The following RGS5 variants were observed in gnomAD, a reference collection of about 807,000 sequenced individuals.
The protein encoded by RGS5 is regulator of G protein signaling 5.
Under a neutral mutation model 18.9 loss-of-function variants are expected in RGS5, and 20 were observed. The observed-to-expected ratio is 1.06, with a 90% CI of 0.74 to 1.54. The LOEUF is 1.54. RGS5 is among the 40% of genes most tolerant of loss of function. RGS5 has a pLI of 0.00. For missense variants in RGS5, 201 were observed against 211.8 expected (o/e 0.95, Z 0.32); for synonymous variants, 57 against 76.2 (o/e 0.75, Z 1.31).
chr1:163,288,136 CT>C (rs750183833), intron 2 of RGS5, among the ~76,000 whole-genome samples: 168 of 147,142 alleles, frequency 1.1e-3, no homozygotes, highest in African/African-American at 3.3e-3. Flanking sequence ...GTACTTTTCA[CT>C]TTTTTTTTTT....
chr1:163,209,610 C>T (rs1358033883), intron 1 of RGS5, among the ~76,000 whole-genome samples: 1 of 152,080 alleles, frequency 6.6e-6, no homozygotes, highest in Non-Finnish European at 1.5e-5. Flanking sequence ...AAGTTTATCC[C>T]TAAGTATTTA....
chr1:163,300,648 T>C (rs531874379), intron 2 of RGS5: 14 of 152,322 alleles, frequency 9.2e-5, no homozygotes, highest in Admixed American at 2.0e-4. Context: ...ATGAGTCTCA[T>C]GGGAGATTCT....
At position 163,149,890 on chromosome 1, in the gene RGS5, C is replaced by A. The variant is rs377096798; in HGVS notation, c.385-2387G>T. Reference sequence around the variant, plus strand: ...ATTTTTTAAGTAATAAAAGCTATGACTTAACATACTTCAGGTGCACATACA... The same window carrying A: ...ATTTTTTAAGTAATAAAAGCTATGAATTAACATACTTCAGGTGCACATACA... On this transcript the variant is annotated intron_variant, in intron 4 of 4. Transcript: ENST00000313961. 2.4e-4 allele frequency among the ~76,000 whole-genome samples: 37 copies of A among 152,208 alleles called. No individual in the cohort carries two copies. The East Asian group carries it at 6.4e-3, about 26-fold the overall frequency.
intron 1 of RGS5, among the ~76,000 whole-genome samples, chr1:163,179,707 A>G (rs10917697): frequency 0.19 from 28,559 of 152,194 alleles, 2,784 homozygotes; most frequent in Middle Eastern, 0.28. Flanking sequence ...AGAAAGGGAG[A>G]AAGGAAATAA....
chr1:163,179,737 A>G (rs1445388729), intron 1 of RGS5, among the ~76,000 whole-genome samples: 3 of 152,202 alleles, frequency 2.0e-5, no homozygotes, highest in African/African-American at 4.8e-5. Context: ...GAAAACCTCT[A>G]ATAGCTCCTC....
chr1:163,301,601 G>A (rs894386055), intron 2 of RGS5, among the ~76,000 whole-genome samples: 53 of 152,038 alleles, frequency 3.5e-4, no homozygotes, highest in African/African-American at 1.3e-3. Flanking sequence ...CAAAAGTGCT[G>A]GTATTAAAGG....
chr1:163,251,427 C>A (rs111997973), intron 2 of RGS5, among the ~76,000 whole-genome samples: 5 of 152,142 alleles, frequency 3.3e-5, no homozygotes, highest in Non-Finnish European at 1.5e-5. Flanking sequence ...CAACCCCAAT[C>A]CCACCACTCT....
chr1:163,281,753 C>T (rs1648996895), intron 2 of RGS5, among the ~76,000 whole-genome samples: 1 of 152,082 alleles, frequency 6.6e-6, no homozygotes, highest in African/African-American at 2.4e-5. Flanking sequence ...GGAGAACCCC[C>T]AAATAAATCC....
At chr1:163,280,905 T>C (rs1466709081) in intron 2 of RGS5, among the ~76,000 whole-genome samples, 1 of 152,194 alleles carries the variant, frequency 6.6e-6, no homozygotes, top group Non-Finnish European at 1.5e-5. Flanking sequence ...TGCATTAGTA[T>C]AAAGAAATAC....
At chr1:163,194,166 C>T (rs1659467747) in intron 1 of RGS5, among the ~76,000 whole-genome samples, 1 of 152,064 alleles carries the variant, frequency 6.6e-6, no homozygotes, top group Non-Finnish European at 1.5e-5. Context: ...AATCACTTTC[C>T]ACTGCATATT....
At chr1:163,192,358 T>C (rs987047961) in intron 1 of RGS5, among the ~76,000 whole-genome samples, 1 of 152,138 alleles carries the variant, frequency 6.6e-6, no homozygotes, top group East Asian at 1.9e-4. Context: ...CTACAAAATG[T>C]TGGAGAATTT....
intron 2 of RGS5, among the ~76,000 whole-genome samples, chr1:163,251,104 A>T (rs1648095788): frequency 6.6e-6 from 1 of 152,064 alleles, no homozygotes. Context: ...ACATTTTATA[A>T]TTTTTCTTTT....
At chr1:163,267,981 C>T (rs1163799890) in intron 2 of RGS5, among the ~76,000 whole-genome samples, 2 of 151,968 alleles carry the variant, frequency 1.3e-5, no homozygotes, top group Non-Finnish European at 2.9e-5. Context: ...AATAACTATA[C>T]CTTATCTGAC....
chr1:163,280,308 A>G (rs1046489881), intron 2 of RGS5, among the ~76,000 whole-genome samples: 1 of 152,106 alleles, frequency 6.6e-6, no homozygotes, highest in Admixed American at 6.5e-5. Context: ...AAGATAATAC[A>G]TCAGGGCCAA....
At chr1:163,199,738 T>G (rs1263223450) in intron 1 of RGS5, among the ~76,000 whole-genome samples, 2 of 152,132 alleles carry the variant, frequency 1.3e-5, no homozygotes, top group African/African-American at 4.8e-5. Flanking sequence ...AGCACAGGGC[T>G]GGGTCCTTGA....
chr1:163,233,558 G>A (rs1354989206), intron 2 of RGS5, among the ~76,000 whole-genome samples: 1 of 152,154 alleles, frequency 6.6e-6, no homozygotes, highest in Non-Finnish European at 1.5e-5. Flanking sequence ...CATCAAACAG[G>A]CTTTGTGTGA....
chr1:163,273,884 C>T (rs918253427), intron 2 of RGS5, among the ~76,000 whole-genome samples: 1 of 152,042 alleles, frequency 6.6e-6, no homozygotes, highest in Admixed American at 6.6e-5. Context: ...AAATCTGATT[C>T]TCTGGAATGT....
rs929895352 is a variant in RGS5 at position 163,202,681 on chromosome 1, T to C, written c.44+111A>G. ...CCCAATCTACAGTCAAGCACCTGTT[T>C]CACCTCAGCTTAGCCATAAACTACA... is the stretch of plus-strand genomic sequence containing the variant. On this transcript the variant is annotated intron_variant, in intron 1 of 4. Coordinates refer to ENST00000313961, the MANE Select transcript of RGS5 (RefSeq NM_003617.4). 6.2e-5 allele frequency: 53 copies of C among 848,274 alleles called. 1 individual carries two copies. Among genetic ancestry groups the C allele is most frequent in the South Asian group, 2.4e-4 (15 of 61,466 alleles). 52.5% of individuals were successfully genotyped at this position (848,274 alleles called of 1,614,324 possible). A position where few individuals can be genotyped will look rare whatever the true frequency, so the allele number is the denominator to read the frequency against.
intron 2 of RGS5, among the ~76,000 whole-genome samples, chr1:163,301,617 G>C (rs1458120540): frequency 6.6e-6 from 1 of 152,158 alleles, no homozygotes; most frequent in Non-Finnish European, 1.5e-5. Context: ...AAAGGCGTGA[G>C]ACACCACGCC....
Sources: allele counts gnomAD v4.1 joint callset (sites outside exome capture counted in the v4.1 genomes callset), GRCh38; gene constraint gnomAD v4.1.1; transcripts MANE v1.5; gene names NCBI Gene and HGNC (gene_info 2026-07-23, HGNC 2026-07-21).